The following MYO9A variants were observed in gnomAD, a reference collection of about 807,000 sequenced individuals.
MYO9A encodes the protein myosin IXA.
In MYO9A, 103 loss-of-function variants were observed where a neutral mutation model predicts 293.3. The ratio of observed to expected loss-of-function variants is 0.35; its 90% CI spans 0.30 to 0.41. MYO9A has a LOEUF of 0.41. Ranked by LOEUF, MYO9A falls within the 10% of genes least tolerant of loss-of-function variation. The probability of loss-of-function intolerance (pLI) is 1.00; values close to 1 mark genes in which losing one functional copy is unlikely to be tolerated. For synonymous variants in MYO9A, 1,001 were observed against 1,035.7 expected, an observed-to-expected ratio of 0.97 and a Z score of 0.64; for missense variants, 2,685 against 3,033.0, an observed-to-expected ratio of 0.89 and a Z score of 2.69.
chr15:71,872,069 G>T (rs2056531197), intron 32 of MYO9A, among the ~76,000 whole-genome samples: 1 of 152,010 alleles, frequency 6.6e-6, no homozygotes, highest in African/African-American at 2.4e-5. Context: ...TTTCTCAACT[G>T]AAAAAACTTA....
At chr15:71,959,872 A>AT in intron 14 of MYO9A, 29 bp downstream of exon 14, 1 of 1,484,428 alleles carries the variant, frequency 6.7e-7, no homozygotes, top group Non-Finnish European at 9.3e-7. Context: ...AAGATGAAGT[A>AT]TGGTAGAATA....
chr15:71,946,591 C>T (rs1374931097), intron 15 of MYO9A, among the ~76,000 whole-genome samples: 3 of 152,186 alleles, frequency 2.0e-5, no homozygotes, highest in African/African-American at 4.8e-5. Flanking sequence ...ATAGCTATAA[C>T]TGCACTATCC....
intron 2 of MYO9A, among the ~76,000 whole-genome samples, chr15:72,042,106 T>C (rs1221641094): frequency 7.3e-6 from 1 of 136,938 alleles, no homozygotes; most frequent in Non-Finnish European, 1.5e-5. Context: ...GATAATTCTA[T>C]CAATGCAAAA....
At position 72,046,515 on chromosome 15, in the gene MYO9A, T is replaced by C; in HGVS notation, c.49A>G (p.Thr17Ala). The change falls in exon 2 of 42, where the codon ACA (threonine) becomes GCA (alanine). Residue 17 changes from threonine to alanine, a missense_variant. By Grantham distance (58) the Thr-to-Ala change is moderately conservative. Around this residue, in one of 10 missense-constraint regions of MYO9A, gnomAD observed 67 missense variants for 63.2 expected, o/e 1.06. Transcript: ENST00000356056. ...ATAGCCCCAGGATATATCCGTAATGTATGTTCATTATCTTCAAAGCGTCGT... is the reference window on the plus strand; with the variant it reads ...ATAGCCCCAGGATATATCCGTAATGCATGTTCATTATCTTCAAAGCGTCGT... ...GRRRFEDNEH[T>A]LRIYPGAISE... is the part of the protein sequence containing the mutation. 1.9e-6 allele frequency: 3 copies of C among 1,611,596 alleles called. No individual in the cohort carries two copies. The highest frequency in any genetic ancestry group is 2.5e-6 in the Non-Finnish European group (3 of 1,178,920).
intron 15 of MYO9A, among the ~76,000 whole-genome samples, chr15:71,941,780 C>A (rs766886595): frequency 6.6e-6 from 1 of 151,926 alleles, no homozygotes; most frequent in Non-Finnish European, 1.5e-5. Context: ...AAAAGGTACA[C>A]GACATATGAA....
intron 3 of MYO9A, among the ~76,000 whole-genome samples, chr15:72,029,862 G>C (rs2077807477): frequency 6.6e-6 from 1 of 152,128 alleles, no homozygotes; most frequent in Non-Finnish European, 1.5e-5. Context: ...CAAATTATTA[G>C]GACAAACCTC....
At chr15:72,003,126 G>A (rs539656746) in intron 8 of MYO9A, among the ~76,000 whole-genome samples, 132 of 151,790 alleles carry the variant, frequency 8.7e-4, no homozygotes, top group African/African-American at 2.4e-3. Context: ...AAAATTAGCC[G>A]GGTGTGGTGG....
At chr15:71,892,866 C>T (rs1177724890) in intron 26 of MYO9A, 1 of 737,370 alleles carries the variant, frequency 1.4e-6, no homozygotes, top group Non-Finnish European at 1.9e-6. Context: ...CATGCACAAA[C>T]CATTACATGG....
chr15:71,848,954 A>G lies in MYO9A; in HGVS notation c.6728T>C (p.Ile2243Thr). ...GTATTTATTCATTTGTTCCACAACAATCAGTTCCACACAACTGAAACAGAA... is the reference window on the plus strand; with the variant it reads ...GTATTTATTCATTTGTTCCACAACAGTCAGTTCCACACAACTGAAACAGAA... ...ISKTTTCVEL[I>T]VVEQMNKYKA... The change falls in exon 39 of 42, where the codon ATT becomes ACT. Residue 2243 changes from isoleucine (I) to threonine (T), a missense_variant. Physicochemically the swap from Ile to Thr is moderately conservative, Grantham distance 89 (BLOSUM62 -1). Coordinates refer to ENST00000356056, the MANE Select transcript of MYO9A (RefSeq NM_006901.4). 6.2e-7 allele frequency: 1 copy of G among 1,604,374 alleles called. No individual in the cohort carries two copies. Among genetic ancestry groups the G allele is most frequent in the Non-Finnish European group, 8.5e-7 (1 of 1,177,578 alleles).
chr15:72,115,705 T>C (rs926687473), intron 1 of MYO9A, among the ~76,000 whole-genome samples: 1 of 152,214 alleles, frequency 6.6e-6, no homozygotes, highest in Non-Finnish European at 1.5e-5. Flanking sequence ...AATAATTTAA[T>C]AAATATTATA....
Position 71,935,413 on chromosome 15 carries a change from AAGG to A in MYO9A, c.2447_2449del (p.Ser816del), listed in dbSNP as rs762527948. The A allele has an allele frequency of 6.2e-7, 1 of 1,613,654 alleles. No homozygotes were observed. Among genetic ancestry groups the A allele is most frequent in the Non-Finnish European group, 8.5e-7 (1 of 1,179,660 alleles). On this transcript the variant is annotated inframe_deletion, in exon 17 of 42. Coordinates refer to ENST00000356056, the MANE Select transcript of MYO9A (RefSeq NM_006901.4). The stretch of plus-strand genomic sequence containing the variant: ...AGCAAATATTCCATCTTTATCAAGC[AAGG>A]AGGTGCCACTTGATAGTCTGCTCTG...
At chr15:72,020,469 T>G (rs902430579) in intron 5 of MYO9A, among the ~76,000 whole-genome samples, 1 of 152,208 alleles carries the variant, frequency 6.6e-6, no homozygotes, top group African/African-American at 2.4e-5. Context: ...ATAGTCATAC[T>G]CTAAGTCAGT....
At chr15:71,987,704 A>G (rs549419125) in intron 11 of MYO9A, among the ~76,000 whole-genome samples, 5 of 152,192 alleles carry the variant, frequency 3.3e-5, no homozygotes, top group African/African-American at 1.2e-4. Context: ...ACCAAACCAC[A>G]GTCATCATAT....
chr15:72,028,857 T>C (rs1176550068), intron 3 of MYO9A, among the ~76,000 whole-genome samples: 2 of 152,192 alleles, frequency 1.3e-5, no homozygotes, highest in Non-Finnish European at 2.9e-5. Context: ...ATTTACTCTA[T>C]AGTTATTTAT....
At chr15:72,052,311 C>T (rs2078590218) in intron 1 of MYO9A, among the ~76,000 whole-genome samples, 1 of 152,170 alleles carries the variant, frequency 6.6e-6, no homozygotes, top group Non-Finnish European at 1.5e-5. Flanking sequence ...CTCATCAGGA[C>T]ACCCTGGCTG....
chr15:71,842,789 G>A (rs2055214196), intron 39 of MYO9A, among the ~76,000 whole-genome samples: 1 of 151,716 alleles, frequency 6.6e-6, no homozygotes, highest in South Asian at 2.1e-4. Context: ...GAACCCAGGA[G>A]GCGGAGCTTG....
At chr15:71,949,411 GTGTT>G (rs1254016277) in intron 15 of MYO9A, among the ~76,000 whole-genome samples, 6 of 150,526 alleles carry the variant, frequency 4.0e-5, no homozygotes, top group Non-Finnish European at 8.9e-5. Context: ...ACTATGCTGG[GTGTT>G]TTTTTGTTTT....
intron 1 of MYO9A, among the ~76,000 whole-genome samples, chr15:72,075,264 C>CCTT (rs2150251738): frequency 6.6e-6 from 1 of 152,070 alleles, no homozygotes; most frequent in Admixed American, 6.5e-5. Flanking sequence ...CCACGCTCAG[C>CCTT]CTTCACTGCT....
chr15:71,865,442 T>C (rs2141894803), intron 32 of MYO9A, among the ~76,000 whole-genome samples: 1 of 152,364 alleles, frequency 6.6e-6, no homozygotes, highest in South Asian at 2.1e-4. Context: ...TGAAATGTTA[T>C]ATATCCATAC....
Sources: gnomAD v4.1 joint callset for allele counts (sites outside exome capture counted in the v4.1 genomes callset) on GRCh38, gnomAD v4.1.1 for gene constraint, gnomAD v4.1.1 regional missense constraint, MANE v1.5 for transcripts, NCBI Gene and HGNC (gene_info 2026-07-23, HGNC 2026-07-21) for gene names.